The following NAALADL2 variants were observed in gnomAD, a reference collection of about 807,000 sequenced individuals.
NAALADL2 encodes the protein inactive N-acetylated-alpha-linked acidic dipeptidase-like protein 2.
Under a neutral mutation model 87.2 loss-of-function variants are expected in NAALADL2, and 76 were observed. The observed-to-expected ratio is 0.87, with a 90% CI of 0.72 to 1.05. NAALADL2 has a LOEUF of 1.05. Among genes scored for constraint, NAALADL2 ranks in the 50% least tolerant of loss-of-function variants. The pLI, the probability that NAALADL2 is intolerant of heterozygous loss-of-function variation, is 0.00. For synonymous variants in NAALADL2, 354 were observed against 331.0 expected (o/e 1.07, Z -0.75); for missense variants, 1,089 against 945.8 (o/e 1.15, Z -1.99).
intron 13 of NAALADL2, among the ~76,000 whole-genome samples, chr3:175,796,598 T>G (rs1753527336): frequency 6.6e-6 from 1 of 152,220 alleles, no homozygotes; most frequent in Non-Finnish European, 1.5e-5. Flanking sequence ...TTGATATAAA[T>G]ACAGTAATCT....
At chr3:175,447,412 T>A in intron 6 of NAALADL2, 40 bp downstream of exon 6, 1 of 1,400,626 alleles carries the variant, frequency 7.1e-7, no homozygotes, top group Non-Finnish European at 9.6e-7. Context: ...TTACAGTTTT[T>A]TTAAAGACCA....
chr3:175,441,187 T>G (rs1719684057), intron 5 of NAALADL2, among the ~76,000 whole-genome samples: 1 of 152,058 alleles, frequency 6.6e-6, no homozygotes, highest in African/African-American at 2.4e-5. Flanking sequence ...TGAAAGTATT[T>G]GGGGAAAAAA....
chr3:175,586,168 C>T (rs556107139), intron 10 of NAALADL2, among the ~76,000 whole-genome samples: 41 of 152,158 alleles, frequency 2.7e-4, no homozygotes, highest in African/African-American at 8.7e-4. Flanking sequence ...TTATTTACAT[C>T]GGGAATGGCA....
At chr3:175,392,248 A>T (rs954293828) in intron 5 of NAALADL2, among the ~76,000 whole-genome samples, 1 of 152,118 alleles carries the variant, frequency 6.6e-6, no homozygotes, top group African/African-American at 2.4e-5. Flanking sequence ...TGTGTCTTTT[A>T]TTTTTCCTGG....
chr3:175,208,253 T>A (rs77401120), intron 2 of NAALADL2, among the ~76,000 whole-genome samples: 11,471 of 152,186 alleles, frequency 0.075, 1,167 homozygotes, highest in African/African-American at 0.22. Flanking sequence ...TTCACAACCA[T>A]GTTTCAGCAG....
At chr3:175,100,403 A>T (rs1462566616) in intron 2 of NAALADL2, among the ~76,000 whole-genome samples, 1 of 152,214 alleles carries the variant, frequency 6.6e-6, no homozygotes, top group Non-Finnish European at 1.5e-5. Flanking sequence ...ATCCAGTGGA[A>T]AAAGTTTAAC....
At chr3:175,020,940 T>A (rs1008583637) in intron 1 of NAALADL2, among the ~76,000 whole-genome samples, 1 of 152,098 alleles carries the variant, frequency 6.6e-6, no homozygotes, top group South Asian at 2.1e-4. Flanking sequence ...AATAGCATAT[T>A]CAAAATTATA....
intron 4 of NAALADL2, among the ~76,000 whole-genome samples, chr3:175,262,873 A>G (rs1751300639): frequency 6.6e-6 from 1 of 151,882 alleles, no homozygotes; most frequent in Admixed American, 6.6e-5. Context: ...TTTTATTAAG[A>G]CAACTTTTGA....
intron 2 of NAALADL2, among the ~76,000 whole-genome samples, chr3:174,624,452 C>T (rs903232768): frequency 1.3e-5 from 2 of 151,842 alleles, no homozygotes; most frequent in African/African-American, 2.4e-5. Context: ...GGTGAAACCC[C>T]GTCTCTATTA....
At chr3:175,769,832 T>C (rs1749245160) in intron 13 of NAALADL2, among the ~76,000 whole-genome samples, 1 of 152,104 alleles carries the variant, frequency 6.6e-6, no homozygotes, top group African/African-American at 2.4e-5. Flanking sequence ...CTGTGGACAA[T>C]GAAGGCTGAC....
At chr3:175,471,904 T>C in intron 9 of NAALADL2, 146 bp downstream of exon 9, 1 of 717,564 alleles carries the variant, frequency 1.4e-6, no homozygotes. Flanking sequence ...GCTGACATTT[T>C]ATCAATATAC....
At chr3:175,354,781 G>A (rs1407652938) in intron 5 of NAALADL2, among the ~76,000 whole-genome samples, 1 of 151,520 alleles carries the variant, frequency 6.6e-6, no homozygotes, top group Non-Finnish European at 1.5e-5. Flanking sequence ...AGCCTCCTGA[G>A]TAGCTGGAAT....
At chr3:175,696,026 A>T (rs979294747) in intron 11 of NAALADL2, among the ~76,000 whole-genome samples, 3 of 152,110 alleles carry the variant, frequency 2.0e-5, no homozygotes, top group Admixed American at 2.0e-4. Context: ...ATCTTTGTAA[A>T]CCTGTCTCTG....
chr3:174,517,565 AC>A (rs1720007794), intron 1 of NAALADL2, among the ~76,000 whole-genome samples: 1 of 152,184 alleles, frequency 6.6e-6, no homozygotes, highest in Non-Finnish European at 1.5e-5. Flanking sequence ...TAGCTAATGA[AC>A]AGCTGATTGT....
At position 175,470,679 on chromosome 3, in the gene NAALADL2, A is replaced by AC. The variant is rs557150677; in HGVS notation, c.1534-960_1534-959insC. On this transcript the variant is annotated intron_variant, in intron 8 of 13. Transcript: ENST00000454872. ...ACAATTATTTGTTAAATGCTTGCAC[A>AC]AAAAAAAACAGGAAAATAGCAGAAA... Among the ~76,000 whole-genome samples, 105 of 146,422 alleles carry AC rather than the reference A, an allele frequency of 7.2e-4. 1 individual carries two copies. The highest frequency in any genetic ancestry group is 2.7e-3 in the African/African-American group (103 of 37,512).
intron 13 of NAALADL2, among the ~76,000 whole-genome samples, chr3:175,787,694 T>C (rs1210873487): frequency 6.6e-6 from 1 of 152,160 alleles, no homozygotes; most frequent in African/African-American, 2.4e-5. Flanking sequence ...CGCTGGGAGC[T>C]GTAGACCGGA....
chr3:174,978,562 A>C (rs1744672088), intron 1 of NAALADL2, among the ~76,000 whole-genome samples: 1 of 152,190 alleles, frequency 6.6e-6, no homozygotes, highest in Non-Finnish European at 1.5e-5. Context: ...TGGACAGGAG[A>C]AATCTGTTAA....
chr3:175,066,482 G>C (rs866420557), intron 1 of NAALADL2, among the ~76,000 whole-genome samples: 1 of 152,108 alleles, frequency 6.6e-6, no homozygotes, highest in South Asian at 2.1e-4. Context: ...CCACAAAGTA[G>C]ATGCTCAGTA....
At chr3:174,810,874 G>A (rs1720101510) in intron 3 of NAALADL2, among the ~76,000 whole-genome samples, 2 of 152,166 alleles carry the variant, frequency 1.3e-5, no homozygotes, top group Non-Finnish European at 2.9e-5. Context: ...TAAGAGGAAA[G>A]AATAATATCA....
Sources: gnomAD v4.1 joint callset for allele counts (sites outside exome capture counted in the v4.1 genomes callset) on GRCh38, gnomAD v4.1.1 for gene constraint, MANE v1.5 for transcripts, NCBI Gene and HGNC (gene_info 2026-07-23, HGNC 2026-07-21) for gene names.